Variants in CSMD1 observed in about 807,000 individuals in gnomAD.
CSMD1 encodes CUB and Sushi multiple domains 1.
A neutral mutation model predicts 417.5 loss-of-function variants in CSMD1; 213 were observed. The observed-to-expected ratio is 0.51, with a 90% CI of 0.46 to 0.57. The LOEUF (loss-of-function observed/expected upper bound fraction) is 0.57, where lower values mean the gene tolerates loss of function less well. Among genes scored for constraint, CSMD1 ranks in the 20% least tolerant of loss-of-function variants. The pLI is 0.00. For synonymous variants in CSMD1, 2,862 were observed against 1,736.8 expected (o/e 1.65, Z -16.11); for missense variants, 6,923 against 4,529.7 (o/e 1.53, Z -15.17).
chr8:4,966,209 C>CAAAAA (rs33941630), intron 1 of CSMD1, among the ~76,000 whole-genome samples: 29 of 89,128 alleles, frequency 3.3e-4, no homozygotes, highest in African/African-American at 9.0e-4. Context: ...ACTAAATATA[C>CAAAAA]AAAAAAAAAA....
At position 4,557,691 on chromosome 8, in the gene CSMD1, G is replaced by C. The variant is rs868656103; in HGVS notation, c.302+79651C>G. ...GGAAGCAAGGAAGAAAGGAATAGAAGGAAGGAAAAAGGTCAGATTTAATAA... is the reference window on the plus strand; with the variant it reads ...GGAAGCAAGGAAGAAAGGAATAGAACGAAGGAAAAAGGTCAGATTTAATAA... On this transcript the variant is annotated intron_variant, in intron 2 of 69. Coordinates refer to ENST00000635120, the MANE Select transcript of CSMD1 (RefSeq NM_033225.6). 2.6e-5 allele frequency among the ~76,000 whole-genome samples: 4 copies of C among 151,958 alleles called. No homozygotes were observed. In the South Asian group the frequency reaches 6.3e-4, roughly 24 times the overall value.
In CSMD1 at chr8:3,605,090, G is replaced by A. The variant is rs146972265; in HGVS notation, c.1097+11620C>T. Among the ~76,000 whole-genome samples the A allele has an allele frequency of 3.8e-3, 583 of 152,276 alleles. 5 individuals are homozygous for A. Among genetic ancestry groups the A allele is most frequent in the African/African-American group, 0.013 (557 of 41,550 alleles). ...GCTTACTGCAACCTCAGCCTCCCAG[G>A]TTCAAGTGATTCTCCTGCCTCAGCC... On this transcript the variant is annotated intron_variant, in intron 8 of 69. Transcript: ENST00000635120.
At chr8:4,098,243 T>A (rs1399259788) in intron 3 of CSMD1, among the ~76,000 whole-genome samples, 1 of 152,194 alleles carries the variant, frequency 6.6e-6, no homozygotes, top group African/African-American at 2.4e-5. Flanking sequence ...TATATTACAA[T>A]AAATACAATG....
intron 2 of CSMD1, among the ~76,000 whole-genome samples, chr8:4,478,314 C>T (rs906262970): frequency 6.6e-6 from 1 of 152,130 alleles, no homozygotes; most frequent in Non-Finnish European, 1.5e-5. Flanking sequence ...ACATGAGTTG[C>T]CTCATGTGAC....
chr8:4,668,338 G>A (rs1164752926), intron 1 of CSMD1, among the ~76,000 whole-genome samples: 1 of 151,622 alleles, frequency 6.6e-6, no homozygotes, highest in Non-Finnish European at 1.5e-5. Context: ...GTCATTGGTA[G>A]GGGTTCTTGG....
intron 28 of CSMD1, among the ~76,000 whole-genome samples, chr8:3,220,464 A>G (rs1490254684): frequency 6.6e-6 from 1 of 152,226 alleles, no homozygotes; most frequent in Non-Finnish European, 1.5e-5. Context: ...ACACTCTAAG[A>G]GAAAGGCTGA....
chr8:3,303,250 T>A (rs1804553852), intron 25 of CSMD1, among the ~76,000 whole-genome samples: 2 of 150,198 alleles, frequency 1.3e-5, no homozygotes, highest in Non-Finnish European at 3.0e-5. Context: ...TGGGGATAAA[T>A]GTATAGTTTT....
chr8:4,617,884 A>T (rs533242698), intron 2 of CSMD1, among the ~76,000 whole-genome samples: 1 of 152,164 alleles, frequency 6.6e-6, no homozygotes, highest in Non-Finnish European at 1.5e-5. Flanking sequence ...TTTACCCCAG[A>T]ACCTGGACCA....
chr8:4,311,974 A>C (rs1268230620), intron 3 of CSMD1, among the ~76,000 whole-genome samples: 1 of 152,158 alleles, frequency 6.6e-6, no homozygotes, highest in Non-Finnish European at 1.5e-5. Context: ...TAGAAAACAA[A>C]ATAAAAATTA....
In CSMD1 at chr8:4,915,093, G is replaced by C. The variant is rs542472985; in HGVS notation, c.85+79239C>G. ...CACTCGGTTTCTCAGATGTAATATG[G>C]TCAGGCCGAGTCAAGTGTTACCAAC... On this transcript the variant is annotated intron_variant, in intron 1 of 69. Transcript: ENST00000635120. Among the ~76,000 whole-genome samples, 16 of 152,240 alleles carry C rather than the reference G, an allele frequency of 1.1e-4. 1 individual carries two copies. In the South Asian group the frequency reaches 3.3e-3, roughly 32 times the overall value.
At chr8:2,967,271 T>C (rs898615628) in intron 57 of CSMD1, among the ~76,000 whole-genome samples, 5 of 152,228 alleles carry the variant, frequency 3.3e-5, no homozygotes, top group African/African-American at 1.2e-4. Context: ...TGAATGACTG[T>C]ACTTGAACTG....
intron 27 of CSMD1, among the ~76,000 whole-genome samples, chr8:3,226,335 C>A (rs1319240676): frequency 6.6e-6 from 1 of 152,124 alleles, no homozygotes; most frequent in South Asian, 2.1e-4. Flanking sequence ...GTAATCCCAG[C>A]ACTTTGGGAG....
chr8:4,992,535 AG>A (rs1811527596), intron 1 of CSMD1, among the ~76,000 whole-genome samples: 2 of 152,168 alleles, frequency 1.3e-5, no homozygotes, highest in South Asian at 4.1e-4. Flanking sequence ...CTCTCCACGC[AG>A]GGGCTCGGCT....
rs1053778768 is a variant in CSMD1 at position 4,008,276 on chromosome 8, G to T, written c.611-10166C>A. 2.6e-5 allele frequency among the ~76,000 whole-genome samples: 4 copies of T among 152,066 alleles called. No individual in the cohort carries two copies. In the South Asian group the frequency reaches 8.3e-4, roughly 32 times the overall value. On this transcript the variant is annotated intron_variant, in intron 4 of 69. Transcript: ENST00000635120. ...TAAAATATGAAATGTATTAAAATAT[G>T]TAATTATTAAAACAAATATAGTTAT...
intron 37 of CSMD1, among the ~76,000 whole-genome samples, chr8:3,180,186 A>C (rs936603739): frequency 6.6e-6 from 1 of 152,242 alleles, no homozygotes; most frequent in Non-Finnish European, 1.5e-5. Context: ...CGCTTTTACA[A>C]GGTTTACCTG....
In CSMD1 at chr8:3,691,565, A is replaced by G. The variant is rs1800246178; in HGVS notation, c.1009+16849T>C. Reference sequence around the variant, plus strand: ...TACCTGAATGAATAATTGTATTTACACATAACTTTATAATCTTCCAACCTT... The same window carrying G: ...TACCTGAATGAATAATTGTATTTACGCATAACTTTATAATCTTCCAACCTT... On this transcript the variant is annotated intron_variant, in intron 7 of 69. Coordinates refer to ENST00000635120, the MANE Select transcript of CSMD1 (RefSeq NM_033225.6). 2.0e-5 allele frequency among the ~76,000 whole-genome samples: 3 copies of G among 152,322 alleles called. No homozygotes were observed. The East Asian group carries it at 5.8e-4, about 29-fold the overall frequency.
At chr8:3,451,906 C>A (rs867139127) in intron 12 of CSMD1, among the ~76,000 whole-genome samples, 2 of 152,164 alleles carry the variant, frequency 1.3e-5, no homozygotes, top group Non-Finnish European at 2.9e-5. Context: ...TTACCTTGGG[C>A]AGTATGGCCA....
chr8:4,289,179 G>C (rs561123603), intron 3 of CSMD1, among the ~76,000 whole-genome samples: 2 of 152,214 alleles, frequency 1.3e-5, no homozygotes, highest in South Asian at 2.1e-4. Context: ...TTATATAACA[G>C]TTTATCGGAC....
At chr8:4,901,669 T>TA (rs1381863532) in intron 1 of CSMD1, among the ~76,000 whole-genome samples, 1 of 152,288 alleles carries the variant, frequency 6.6e-6, no homozygotes, top group African/African-American at 2.4e-5. Flanking sequence ...TTTGTAGCTT[T>TA]AAAAAATCCA....
Sources: allele counts gnomAD v4.1 joint callset (sites outside exome capture counted in the v4.1 genomes callset), GRCh38; gene constraint gnomAD v4.1.1; transcripts MANE v1.5; gene names NCBI Gene and HGNC (gene_info 2026-07-23, HGNC 2026-07-21).